Variants in RBBP9 observed in about 807,000 individuals in gnomAD.
RBBP9 encodes the protein serine hydrolase RBBP9.
Under a neutral mutation model 24.2 loss-of-function variants are expected in RBBP9, and 20 were observed. The observed-to-expected ratio is 0.83, with a 90% CI of 0.58 to 1.20. The LOEUF (loss-of-function observed/expected upper bound fraction) is 1.20, where lower values mean the gene tolerates loss of function less well. Ranked by LOEUF, RBBP9 falls within the 50% of genes most tolerant of loss-of-function variation. RBBP9 has a pLI of 0.00. For missense variants in RBBP9, 234 were observed against 233.6 expected, an observed-to-expected ratio of 1.00 and a Z score of -0.01; for synonymous variants, 74 against 84.6, an observed-to-expected ratio of 0.87 and a Z score of 0.69.
rs574494109 is a variant in RBBP9 at position 18,493,966 on chromosome 20, C to T, written c.240G>A (p.Ala80=). 9.3e-6 allele frequency: 15 copies of T among 1,606,180 alleles called. No homozygotes were observed. The highest frequency in any genetic ancestry group is 1.7e-5 in the Admixed American group (1 of 57,490). The change falls in exon 3 of 5, where the codon GCG becomes GCA. Residue 80 remains alanine (A), a synonymous_variant. Coordinates refer to ENST00000337227, the MANE Select transcript of RBBP9 (RefSeq NM_006606.3). ...IIIGHSSGAI[A]AMRYAETHRV... ...TTTAACAAAGATCGCACCTCATGGC[C>T]GCGATGGCCCCAGAACTGTGGCCAA...
At chr20:18,495,692 T>C in intron 2 of RBBP9, 146 bp downstream of exon 2, 2 of 425,146 alleles carry the variant, frequency 4.7e-6, no homozygotes, top group East Asian at 9.3e-5. Flanking sequence ...GTTCACACCC[T>C]CCTCCCCAAG....
rs1356778277 is a variant in RBBP9, at chr20:18,486,776, G to A, written c.*2988C>T. ...TCAGTATTCGGTATTTTGCTCACCT[G>A]AGAATAGATACTCCCCAGAGTGTAT... On this transcript the variant is annotated 3_prime_UTR_variant, in exon 5 of 5. Transcript: ENST00000337227. 1 of 152,132 alleles carries A rather than the reference G, an allele frequency of 6.6e-6. No individual in the cohort carries two copies. Among genetic ancestry groups the A allele is most frequent in the East Asian group, 1.9e-4 (1 of 5,188 alleles). 9.4% of individuals were successfully genotyped at this position (152,132 alleles called of 1,614,324 possible). A position where few individuals can be genotyped will look rare whatever the true frequency, so the allele number is the denominator to read the frequency against.
In RBBP9 at chr20:18,496,589, AG is replaced by A. The variant is rs2059887587; in HGVS notation, c.99+479del. Among the ~76,000 whole-genome samples the A allele has an allele frequency of 3.3e-5, 5 of 152,308 alleles. No homozygotes were observed. The South Asian group carries it at 1.0e-3, about 32-fold the overall frequency. ...CACGGGACTGAGATGGGTAGACATA[AG>A]GGTCGTTTGGAAGATGATGTATAGG... On this transcript the variant is annotated intron_variant, in intron 1 of 4. Coordinates refer to ENST00000337227, the MANE Select transcript of RBBP9 (RefSeq NM_006606.3).
rs527927881 is a variant in RBBP9, at chr20:18,497,119, C to T, written c.49G>A (p.Asp17Asn). The change falls in exon 1 of 5, where the codon GAT (aspartate) becomes AAT (asparagine). Residue 17 changes from aspartate to asparagine, a missense_variant. By Grantham distance (23) the Asp-to-Asn change is conservative. Coordinates refer to ENST00000337227, the MANE Select transcript of RBBP9 (RefSeq NM_006606.3). The part of the protein sequence containing the change: ...AVIVPGNGGG[D>N]VTTHGWYGWV... ...CCATACCAGCCGTGGGTGGTCACATCCCCGCCTCCGTTCCCGGGAACAATC... is the reference window on the plus strand; with the variant it reads ...CCATACCAGCCGTGGGTGGTCACATTCCCGCCTCCGTTCCCGGGAACAATC... 2.4e-5 allele frequency: 38 copies of T among 1,614,224 alleles called. No individual in the cohort carries two copies. The highest frequency in any genetic ancestry group is 3.1e-5 in the Non-Finnish European group (36 of 1,180,032).
chr20:18,495,645 A>G (rs1220970650), intron 2 of RBBP9, among the ~76,000 whole-genome samples, 193 bp downstream of exon 2: 5 of 70,968 alleles, frequency 7.0e-5, no homozygotes, highest in South Asian at 3.6e-4. Flanking sequence ...CACAGAATTG[A>G]AAAAAAAAAA....
chr20:18,492,096 C>CAAAAAAAAAAAAAAAAAAAAAAAAAAAAA (rs71194242), intron 3 of RBBP9, among the ~76,000 whole-genome samples: 1 of 70,064 alleles, frequency 1.4e-5, no homozygotes, highest in African/African-American at 5.6e-5. Context: ...GGCTCTGTCT[C>CAAAAAAAAAAAAAAAAAAAAAAAAAAAAA]AAAAAAAAAA....
In RBBP9 at chr20:18,490,492, A is replaced by C; in HGVS notation, c.249-12T>G. The stretch of plus-strand genomic sequence containing the variant: ...GTGTTTCTGCATACCTGGAGAAACA[A>C]AAATGATGTCAGCTAATATATAATG... On this transcript the variant is annotated splice_polypyrimidine_tract_variant and intron_variant, in intron 3 of 4. Coordinates refer to ENST00000337227, the MANE Select transcript of RBBP9 (RefSeq NM_006606.3). 1 of 1,583,370 alleles carries C rather than the reference A, an allele frequency of 6.3e-7. No individual in the cohort carries two copies. Among genetic ancestry groups the C allele is most frequent in the Non-Finnish European group, 8.7e-7 (1 of 1,152,484 alleles).
chr20:18,495,759 ATTC>A (rs2059884290), intron 2 of RBBP9, 76 bp downstream of exon 2: 1 of 1,405,074 alleles, frequency 7.1e-7, no homozygotes, highest in Admixed American at 1.7e-5. Context: ...CCACTATGAT[ATTC>A]TTGTTCTCTA....
intron 3 of RBBP9, 65 bp downstream of exon 3, chr20:18,493,893 A>G: frequency 8.2e-7 from 1 of 1,220,820 alleles, no homozygotes; most frequent in Admixed American, 2.3e-5. Flanking sequence ...GATATACGCA[A>G]GGTATTTCTC....
intron 3 of RBBP9, among the ~76,000 whole-genome samples, chr20:18,491,532 G>A: frequency 6.6e-6 from 1 of 152,134 alleles, no homozygotes; most frequent in East Asian, 1.9e-4. Flanking sequence ...ATCTAGGATT[G>A]ACTAGATCTA....
chr20:18,489,981 G>A lies in RBBP9; in HGVS notation c.344C>T (p.Thr115Ile), dbSNP rs1264336728. The change falls in exon 5 of 5, where the codon ACC becomes ATC. Residue 115 changes from threonine (T) to isoleucine (I), a missense_variant. Thr to Ile is a moderately conservative substitution (Grantham distance 89). Coordinates refer to ENST00000337227, the MANE Select transcript of RBBP9 (RefSeq NM_006606.3). ...GATCTTCTCCCACTGCCAGGGGCGG[G>A]TGAAGTATCCTATGGGGAAAAAAAA... The part of the protein sequence containing the change: ...DENERASGYF[T>I]RPWQWEKIKA... The A allele has an allele frequency of 6.2e-7, 1 of 1,602,354 alleles. No individual in the cohort carries two copies. Among genetic ancestry groups the A allele is most frequent in the Non-Finnish European group, 8.5e-7 (1 of 1,170,382 alleles).
intron 3 of RBBP9, among the ~76,000 whole-genome samples, chr20:18,491,826 G>A (rs2059866994): frequency 6.6e-6 from 1 of 151,788 alleles, no homozygotes; most frequent in Admixed American, 6.6e-5. Context: ...GCCGGGCACG[G>A]TGGCTCACAC....
intron 3 of RBBP9, among the ~76,000 whole-genome samples, chr20:18,492,314 A>T (rs758800764): frequency 1.3e-5 from 2 of 152,138 alleles, no homozygotes; most frequent in Non-Finnish European, 2.9e-5. Flanking sequence ...GCAATCCTAG[A>T]TCTAGTCAAG....
intron 2 of RBBP9, among the ~76,000 whole-genome samples, chr20:18,494,281 T>TC (rs2059876136): frequency 2.6e-5 from 2 of 77,836 alleles, no homozygotes; most frequent in Middle Eastern, 6.5e-3. Context: ...TTTTCTTTTC[T>TC]CTTTTTTTTT....
chr20:18,492,063 C>T (rs2059867862), intron 3 of RBBP9, among the ~76,000 whole-genome samples: 1 of 146,240 alleles, frequency 6.8e-6, no homozygotes, highest in East Asian at 2.0e-4. Flanking sequence ...TGCCACTGCA[C>T]TCCAGCCCGG....
In RBBP9 at chr20:18,494,025, T is replaced by A; in HGVS notation, c.181A>T (p.Thr61Ser). The A allele has an allele frequency of 6.2e-7, 1 of 1,613,730 alleles. No individual in the cohort carries two copies. The highest frequency in any genetic ancestry group is 8.5e-7 in the Non-Finnish European group (1 of 1,179,910). The change falls in exon 3 of 5, where the codon ACA becomes TCA. Residue 61 changes from threonine (T) to serine (S), a missense_variant. By Grantham distance (58) the Thr-to-Ser change is moderately conservative. Coordinates refer to ENST00000337227, the MANE Select transcript of RBBP9 (RefSeq NM_006606.3). ...GTCTTCTCATCACAGTGCAGCTCTG[T>A]CTCCATGAAGGGCAGCCAGATGCTC... Reference protein sequence around the residue: ...RESIWLPFMETELHCDEKTII... With the variant: ...RESIWLPFMESELHCDEKTII...
chr20:18,490,362 G>C, intron 4 of RBBP9, 33 bp downstream of exon 4: 1 of 1,542,288 alleles, frequency 6.5e-7, no homozygotes, highest in Non-Finnish European at 9.0e-7. Context: ...GTCTAGAGAA[G>C]GGCTTTGCTC....
chr20:18,494,690 A>G (rs1004689829), intron 2 of RBBP9, among the ~76,000 whole-genome samples: 1 of 152,090 alleles, frequency 6.6e-6, no homozygotes, highest in Non-Finnish European at 1.5e-5. Context: ...CAAAAAAAAA[A>G]GCAAAAAAAC....
intron 2 of RBBP9, among the ~76,000 whole-genome samples, chr20:18,494,948 A>G (rs1020976223): frequency 2.0e-5 from 3 of 152,240 alleles, no homozygotes; most frequent in Non-Finnish European, 4.4e-5. Context: ...AAATTTTACC[A>G]TGCCCAGGTG....
Sources: allele counts gnomAD v4.1 joint callset (sites outside exome capture counted in the v4.1 genomes callset), GRCh38; gene constraint gnomAD v4.1.1; transcripts MANE v1.5; gene names NCBI Gene and HGNC (gene_info 2026-07-23, HGNC 2026-07-21).